The following EZH2 variants were observed in gnomAD, a reference collection of about 807,000 sequenced individuals.
EZH2 encodes enhancer of zeste 2 polycomb repressive complex 2 subunit, also known as histone-lysine N-methyltransferase EZH2.
Under a neutral mutation model 98.4 loss-of-function variants are expected in EZH2, and 18 were observed. That is an observed-to-expected ratio of 0.18 (90% CI 0.13 to 0.27). The LOEUF (loss-of-function observed/expected upper bound fraction) is 0.27. EZH2 is among the 10% of genes least tolerant of loss of function. The pLI is 1.00. For synonymous variants in EZH2, 338 were observed against 312.3 expected (o/e 1.08, Z -0.87); for missense variants, 470 against 935.1 (o/e 0.50, Z 6.49).
chr7:148,878,990 C>T (rs1330491209), intron 1 of EZH2, among the ~76,000 whole-genome samples: 7 of 152,044 alleles, frequency 4.6e-5, no homozygotes, highest in East Asian at 1.9e-4. Context: ...TTTGGGAGGC[C>T]GAGGCAGGCG....
intron 3 of EZH2, among the ~76,000 whole-genome samples, chr7:148,841,546 G>A (rs1281518269): frequency 1.3e-5 from 2 of 152,156 alleles, no homozygotes; most frequent in African/African-American, 2.4e-5. Context: ...CATGAGAAAA[G>A]TGACCAGCTT....
rs143615322 is a variant in EZH2, at chr7:148,828,735, C to T, written c.625+5G>A. The T allele has an allele frequency of 1.2e-4, 201 of 1,612,266 alleles. No individual in the cohort carries two copies. In the African/African-American group the frequency reaches 2.3e-3, roughly 19 times the overall value. On this transcript the variant is annotated splice_donor_5th_base_variant and intron_variant, in intron 6 of 19. Coordinates refer to ENST00000320356, the MANE Select transcript of EZH2 (RefSeq NM_004456.5). ...GCTACACAGAATCCTAATAATCAGGCATACCATCTCGGTGATCCTCCAGAT... is the reference window on the plus strand; with the variant it reads ...GCTACACAGAATCCTAATAATCAGGTATACCATCTCGGTGATCCTCCAGAT...
At chr7:148,842,219 A>AT (rs1812640381) in intron 3 of EZH2, among the ~76,000 whole-genome samples, 1 of 152,210 alleles carries the variant, frequency 6.6e-6, no homozygotes, top group Non-Finnish European at 1.5e-5. Context: ...GACAGGCACT[A>AT]TCTAAGCAAA....
intron 3 of EZH2, among the ~76,000 whole-genome samples, chr7:148,845,007 G>GGTTT (rs1813619373): frequency 6.6e-6 from 1 of 151,952 alleles, no homozygotes; most frequent in Non-Finnish European, 1.5e-5. Context: ...GATTAAAAGA[G>GGTTT]GTAATGTGTA....
chr7:148,813,905 G>A, intron 15 of EZH2, 54 bp downstream of exon 15: 3 of 1,544,710 alleles, frequency 1.9e-6, no homozygotes, highest in Non-Finnish European at 2.6e-6. Flanking sequence ...CCTGACATTT[G>A]CATCACTAAA....
At chr7:148,844,546 T>G (rs1203744356) in intron 3 of EZH2, among the ~76,000 whole-genome samples, 1 of 152,208 alleles carries the variant, frequency 6.6e-6, no homozygotes, top group East Asian at 1.9e-4. Context: ...GGCTGGGGAT[T>G]ATTTTCCTCC....
chr7:148,843,462 G>A (rs1485214199), intron 3 of EZH2, among the ~76,000 whole-genome samples: 1 of 151,874 alleles, frequency 6.6e-6, no homozygotes. Flanking sequence ...CCTGAAGTCA[G>A]CATCTAAAGC....
chr7:148,810,853 G>A (rs550304172), intron 16 of EZH2, among the ~76,000 whole-genome samples: 6 of 128,646 alleles, frequency 4.7e-5, no homozygotes, highest in South Asian at 2.5e-4. Flanking sequence ...CCAAAATCAC[G>A]CCATTGCACT....
At chr7:148,846,283 A>G (rs1380876917) in intron 3 of EZH2, among the ~76,000 whole-genome samples, 187 bp downstream of exon 3, 1 of 152,072 alleles carries the variant, frequency 6.6e-6, no homozygotes, top group East Asian at 1.9e-4. Flanking sequence ...AACACTTAGA[A>G]CTCTGTTATA....
rs750422152 is a variant in EZH2 at position 148,809,406 on chromosome 7, T to A, written c.2030-16A>T. On this transcript the variant is annotated splice_polypyrimidine_tract_variant and intron_variant, in intron 17 of 19. Coordinates refer to ENST00000320356, the MANE Select transcript of EZH2 (RefSeq NM_004456.5). ...ACCACAAAATCTAAAAAGAAAAAAG[T>A]AAGCACAGCCCAGTGAATAATTTCA... 1.9e-6 allele frequency: 3 copies of A among 1,585,818 alleles called. No homozygotes were observed. Among genetic ancestry groups the A allele is most frequent in the Non-Finnish European group, 2.6e-6 (3 of 1,155,974 alleles).
chr7:148,848,275 G>A (rs1489196710), intron 1 of EZH2, among the ~76,000 whole-genome samples: 2 of 152,146 alleles, frequency 1.3e-5, no homozygotes, highest in African/African-American at 4.8e-5. Flanking sequence ...ACTGCAACCA[G>A]GTTAGATGAT....
At position 148,826,637 on chromosome 7, in the gene EZH2, C is replaced by A. The variant is rs1403130921; in HGVS notation, c.729-5G>T. ...TGTTCGGTGAGTTCTTTATATCTGACATTAACCAAGAAAAATTTAAGTAAA... is the reference window on the plus strand; with the variant it reads ...TGTTCGGTGAGTTCTTTATATCTGAAATTAACCAAGAAAAATTTAAGTAAA... On this transcript the variant is annotated splice_polypyrimidine_tract_variant and splice_region_variant and intron_variant, in intron 7 of 19. Transcript: ENST00000320356. 4.1e-6 allele frequency: 6 copies of A among 1,450,632 alleles called. No individual in the cohort carries two copies. Among genetic ancestry groups the A allele is most frequent in the Non-Finnish European group, 5.5e-6 (6 of 1,093,110 alleles). 89.9% of individuals were successfully genotyped at this position (1,450,632 alleles called of 1,614,324 possible).
chr7:148,821,563 G>A (rs937537831), intron 8 of EZH2, among the ~76,000 whole-genome samples: 4 of 152,042 alleles, frequency 2.6e-5, no homozygotes, highest in African/African-American at 7.3e-5. Flanking sequence ...AGTGGCTCAC[G>A]CCTGTAATTC....
At chr7:148,841,444 GA>G (rs533763772) in intron 3 of EZH2, among the ~76,000 whole-genome samples, 6 of 152,262 alleles carry the variant, frequency 3.9e-5, no homozygotes, top group Middle Eastern at 3.4e-3. Flanking sequence ...AAGCAACTCA[GA>G]GACCACTTCC....
intron 1 of EZH2, among the ~76,000 whole-genome samples, chr7:148,874,641 T>C (rs531328356): frequency 8.5e-5 from 13 of 152,290 alleles, no homozygotes; most frequent in Non-Finnish European, 1.6e-4. Context: ...TATGTATTAC[T>C]TGAATATTGA....
chr7:148,822,693 G>A (rs1320111058), intron 8 of EZH2, among the ~76,000 whole-genome samples: 1 of 152,098 alleles, frequency 6.6e-6, no homozygotes, highest in Non-Finnish European at 1.5e-5. Flanking sequence ...AGTAATCCTA[G>A]CACTGTGAGA....
At chr7:148,881,970 G>GCA (rs1288131344) in intron 1 of EZH2, among the ~76,000 whole-genome samples, 10 of 47,582 alleles carry the variant, frequency 2.1e-4, no homozygotes, top group African/African-American at 1.0e-3. Flanking sequence ...ACACACGCGC[G>GCA]CGCACACACA....
chr7:148,822,887 A>G (rs1226027617), intron 8 of EZH2, among the ~76,000 whole-genome samples: 2 of 152,186 alleles, frequency 1.3e-5, no homozygotes, highest in African/African-American at 4.8e-5. Context: ...GGTCGCCGTG[A>G]GCCAAGACTG....
chr7:148,844,079 T>C (rs1300447307), intron 3 of EZH2, among the ~76,000 whole-genome samples: 2 of 152,226 alleles, frequency 1.3e-5, no homozygotes, highest in Non-Finnish European at 2.9e-5. Flanking sequence ...TTTACGTGTT[T>C]GAATCAATAC....
Sources: allele counts gnomAD v4.1 joint callset (sites outside exome capture counted in the v4.1 genomes callset), GRCh38; gene constraint gnomAD v4.1.1; transcripts MANE v1.5; gene names NCBI Gene and HGNC (gene_info 2026-07-23, HGNC 2026-07-21).